LMTK2: variants seen among roughly 807,000 people sequenced by gnomAD.
LMTK2 encodes the protein lemur tail kinase 2.
Under a neutral mutation model 127.5 loss-of-function variants are expected in LMTK2, and 37 were observed. The observed-to-expected ratio is 0.29, with a 90% CI of 0.22 to 0.38. The LOEUF is 0.38. LMTK2 is among the 10% of genes least tolerant of loss of function. LMTK2 has a pLI of 1.00. For missense variants in LMTK2, 1,694 were observed against 1,920.3 expected (o/e 0.88, Z 2.20); for synonymous variants, 819 against 810.1 (o/e 1.01, Z -0.19).
At chr7:98,161,093 T>C (rs1239809246) in intron 6 of LMTK2, among the ~76,000 whole-genome samples, 1 of 152,190 alleles carries the variant, frequency 6.6e-6, no homozygotes, top group East Asian at 1.9e-4. Flanking sequence ...ATATTTGTAA[T>C]TTTATCTACC....
intron 11 of LMTK2, among the ~76,000 whole-genome samples, chr7:98,202,996 C>T (rs1797725666): frequency 6.6e-6 from 1 of 152,204 alleles, no homozygotes. Flanking sequence ...AGGGTCCCCT[C>T]CCGCTCGTGA....
At chr7:98,131,758 G>A (rs374227727) in intron 1 of LMTK2, among the ~76,000 whole-genome samples, 1 of 152,258 alleles carries the variant, frequency 6.6e-6, no homozygotes, top group African/African-American at 2.4e-5. Flanking sequence ...CTGTGGGCAG[G>A]ATTTCACCCA....
chr7:98,149,395 T>C (rs1259237456), intron 3 of LMTK2, among the ~76,000 whole-genome samples: 1 of 152,204 alleles, frequency 6.6e-6, no homozygotes, highest in Non-Finnish European at 1.5e-5. Context: ...CTAGAGTTTT[T>C]ATAAGGTTGA....
intron 11 of LMTK2, among the ~76,000 whole-genome samples, chr7:98,202,842 A>C (rs73406034): frequency 0.14 from 21,016 of 152,172 alleles, 1,613 homozygotes; most frequent in East Asian, 0.21. Flanking sequence ...GATGTCCCTG[A>C]TACTTGCAGT....
intron 11 of LMTK2, among the ~76,000 whole-genome samples, chr7:98,197,170 A>G (rs1422879915): frequency 1.3e-5 from 2 of 152,268 alleles, no homozygotes; most frequent in Non-Finnish European, 2.9e-5. Context: ...AAAGTAGTAA[A>G]GGCTGGTGAA....
At chr7:98,185,870 C>T (rs1353455209) in intron 8 of LMTK2, among the ~76,000 whole-genome samples, 1 of 151,950 alleles carries the variant, frequency 6.6e-6, no homozygotes. Flanking sequence ...CCTTGACCTC[C>T]GCTTTCTGAG....
chr7:98,142,840 G>A (rs1796719054), intron 3 of LMTK2, among the ~76,000 whole-genome samples: 1 of 152,168 alleles, frequency 6.6e-6, no homozygotes, highest in African/African-American at 2.4e-5. Context: ...TTGCATATCT[G>A]CTGAATCTCT....
chr7:98,174,575 C>A (rs763205918), intron 7 of LMTK2, among the ~76,000 whole-genome samples: 1 of 152,184 alleles, frequency 6.6e-6, no homozygotes, highest in South Asian at 2.1e-4. Context: ...GCCACCAGGT[C>A]GCTGTGATGA....
Position 98,192,537 on chromosome 7 carries a change from G to T in LMTK2, c.2072G>T (p.Arg691Leu). The T allele has an allele frequency of 6.2e-7, 1 of 1,612,090 alleles. No individual in the cohort carries two copies. The highest frequency in any genetic ancestry group is 1.1e-5 in the South Asian group (1 of 90,426). Reference sequence around the variant, plus strand: ...GGCCACTTTGAGAAAGAAAAGCCCCGTAAGATTTTTGACAGTGAGCCTCTC... The same window carrying T: ...GGCCACTTTGAGAAAGAAAAGCCCCTTAAGATTTTTGACAGTGAGCCTCTC... ...ITGHFEKEKPRKIFDSEPLCL... is the reference protein window; with the variant it reads ...ITGHFEKEKPLKIFDSEPLCL... The change falls in exon 11 of 14, where the codon CGT becomes CTT. Residue 691 changes from arginine (R) to leucine (L), a missense_variant. Arg to Leu is a moderately radical substitution (Grantham distance 102). Coordinates refer to ENST00000297293, the MANE Select transcript of LMTK2 (RefSeq NM_014916.4).
In LMTK2 at chr7:98,209,484, A is replaced by G. The variant is rs894114189; in HGVS notation, c.*3992A>G. 2 of 152,246 alleles carry G rather than the reference A, an allele frequency of 1.3e-5. No homozygotes were observed. The highest frequency in any genetic ancestry group is 6.5e-5 in the Admixed American group (1 of 15,280). 9.4% of individuals were successfully genotyped at this position (152,246 alleles called of 1,614,324 possible). ...ACAGGCAGAAGAGGTTCATGGCAAT[A>G]TAATAGTCAATGAACTTTCAGTTTA... On this transcript the variant is annotated 3_prime_UTR_variant, in exon 14 of 14. Coordinates refer to ENST00000297293, the MANE Select transcript of LMTK2 (RefSeq NM_014916.4).
rs1178972779 is a variant in LMTK2, at chr7:98,171,480, T to C, written c.658-61T>C. On this transcript the variant is annotated intron_variant, in intron 6 of 13. Transcript: ENST00000297293. The surrounding 1 kb of genome is among the most constrained non-coding windows in gnomAD (Gnocchi z 5.1). ...CAGTTAGTGTTCACCGAGGCACGTA[T>C]TTAAGCGCTCACTTTATTCCTGTGG... The C allele has an allele frequency of 6.2e-7, 1 of 1,610,946 alleles. No homozygotes were observed. Among genetic ancestry groups the C allele is most frequent in the Admixed American group, 1.7e-5 (1 of 60,004 alleles).
chr7:98,175,066 G>A (rs1256193430), intron 7 of LMTK2, among the ~76,000 whole-genome samples: 2 of 152,182 alleles, frequency 1.3e-5, no homozygotes, highest in African/African-American at 2.4e-5. Flanking sequence ...GGAGAATACT[G>A]AGGCTTGGGG....
chr7:98,204,901 C>A (rs557530075), intron 13 of LMTK2, among the ~76,000 whole-genome samples: 4 of 152,358 alleles, frequency 2.6e-5, no homozygotes, highest in Admixed American at 1.3e-4. Flanking sequence ...GGACTTGGGA[C>A]CAGCCCACAT....
At position 98,167,451 on chromosome 7, in the gene LMTK2, T is replaced by C. The variant is rs557101572; in HGVS notation, c.658-4090T>C. ...GGATGCAGGGAGGCCGCAGGGAGAC[T>C]GGCGCAGGTGTGTCCTCAAGGTGGG... On this transcript the variant is annotated intron_variant, in intron 6 of 13. Coordinates refer to ENST00000297293, the MANE Select transcript of LMTK2 (RefSeq NM_014916.4). Among the ~76,000 whole-genome samples the C allele has an allele frequency of 3.9e-5, 6 of 152,314 alleles. No individual in the cohort carries two copies. The East Asian group carries it at 9.6e-4, about 24-fold the overall frequency.
In LMTK2 at chr7:98,171,511, T is replaced by G. The variant is rs1797190475; in HGVS notation, c.658-30T>G. 6.2e-7 allele frequency: 1 copy of G among 1,613,670 alleles called. No individual in the cohort carries two copies. The highest frequency in any genetic ancestry group is 1.3e-5 in the African/African-American group (1 of 74,946). ...CGCTCACTTTATTCCTGTGGCTCGT[T>G]TGGAAACTCACACGGGCTGACTTTT... On this transcript the variant is annotated intron_variant, in intron 6 of 13. Coordinates refer to ENST00000297293, the MANE Select transcript of LMTK2 (RefSeq NM_014916.4). This position sits in a 1 kb window ranked among gnomAD's most constrained non-coding sequence, Gnocchi z 5.1.
At chr7:98,150,085 G>A (rs1003273724) in intron 3 of LMTK2, among the ~76,000 whole-genome samples, 4 of 152,020 alleles carry the variant, frequency 2.6e-5, no homozygotes, top group African/African-American at 7.2e-5. Flanking sequence ...CGAGGCGGGC[G>A]GATCACAAGG....
chr7:98,189,398 T>C (rs972981348), intron 9 of LMTK2, among the ~76,000 whole-genome samples: 3 of 152,290 alleles, frequency 2.0e-5, no homozygotes, highest in Admixed American at 6.5e-5. Context: ...CCTTTAGTGA[T>C]TTTTGTCAAA....
At chr7:98,177,487 G>T (rs747484924) in intron 7 of LMTK2, among the ~76,000 whole-genome samples, 1 of 152,306 alleles carries the variant, frequency 6.6e-6, no homozygotes, top group East Asian at 1.9e-4. Context: ...AATCTGAACA[G>T]GGTTTTTATT....
chr7:98,151,431 A>G lies in LMTK2; in HGVS notation c.426A>G (p.Glu142=), dbSNP rs1321110533. 1.9e-6 allele frequency: 3 copies of G among 1,613,752 alleles called. No individual in the cohort carries two copies. The highest frequency in any genetic ancestry group is 2.5e-6 in the Non-Finnish European group (3 of 1,179,758). ...VARHSLNYIQ[E]IGNGWFGKVL... Reference sequence around the variant, plus strand: ...GCCACAGTCTAAACTACATACAGGAAATTGGAAATGGCTGGTTTGGAAAGG... The same window carrying G: ...GCCACAGTCTAAACTACATACAGGAGATTGGAAATGGCTGGTTTGGAAAGG... The change falls in exon 4 of 14, where the codon GAA becomes GAG. Residue 142 remains glutamate (E), a synonymous_variant. Transcript: ENST00000297293.
Sources: gnomAD v4.1 joint callset for allele counts (sites outside exome capture counted in the v4.1 genomes callset) on GRCh38, gnomAD v4.1.1 for gene constraint, Gnocchi (gnomAD v3.1) non-coding constraint, MANE v1.5 for transcripts, NCBI Gene and HGNC (gene_info 2026-07-23, HGNC 2026-07-21) for gene names.